Variants in SMIM41 observed in about 807,000 individuals in gnomAD.
SMIM41 encodes small integral membrane protein 41.
At chr12:52,104,645 CTG>C (rs750250634) in intron 2 of SMIM41, among the ~76,000 whole-genome samples, 3 of 151,240 alleles carry the variant, frequency 2.0e-5, no homozygotes, top group African/African-American at 2.4e-5. Context: ...GCTCAGCAGA[CTG>C]TGGAGTTTCT....
chr12:52,095,192 C>A (rs534072064), intron 2 of SMIM41, among the ~76,000 whole-genome samples: 2 of 151,752 alleles, frequency 1.3e-5, no homozygotes, highest in African/African-American at 4.9e-5. Context: ...AAGTGATCCA[C>A]GCTCCTTGGT....
intron 1 of SMIM41, among the ~76,000 whole-genome samples, chr12:52,080,826 T>C (rs1467320895): frequency 6.6e-6 from 1 of 151,332 alleles, no homozygotes; most frequent in Non-Finnish European, 1.5e-5. Flanking sequence ...CCCTGGGGAA[T>C]GGGGAGGTGT....
intron 2 of SMIM41, among the ~76,000 whole-genome samples, chr12:52,093,847 C>G (rs892368903): frequency 6.6e-6 from 1 of 151,938 alleles, no homozygotes; most frequent in Non-Finnish European, 1.5e-5. Flanking sequence ...AAAATCTGGC[C>G]GGGTGGGGCG....
intron 2 of SMIM41, chr12:52,087,592 C>T (rs1035897744): frequency 1.2e-4 from 18 of 152,394 alleles, no homozygotes; most frequent in African/African-American, 3.6e-4. Flanking sequence ...TGGCAGTTCC[C>T]GAAGAAGCTC....
intron 2 of SMIM41, among the ~76,000 whole-genome samples, chr12:52,106,243 A>C (rs1358718770): frequency 2.0e-5 from 3 of 152,230 alleles, no homozygotes; most frequent in Non-Finnish European, 4.4e-5. Flanking sequence ...GGCACATAGG[A>C]GACAGCAAAA....
At chr12:52,093,099 G>C (rs1940032027) in intron 2 of SMIM41, among the ~76,000 whole-genome samples, 1 of 152,164 alleles carries the variant, frequency 6.6e-6, no homozygotes, top group South Asian at 2.1e-4. Flanking sequence ...TCGAGAGGTT[G>C]AGGCAGGAGA....
chr12:52,092,616 T>C (rs1385273235), intron 2 of SMIM41: 2 of 152,244 alleles, frequency 1.3e-5, no homozygotes, highest in Non-Finnish European at 2.9e-5. Flanking sequence ...TCCTTCTTTT[T>C]TTAGAGGAGC....
At chr12:52,080,625 A>G (rs111968981) in intron 1 of SMIM41, among the ~76,000 whole-genome samples, 3,703 of 152,102 alleles carry the variant, frequency 0.024, 69 homozygotes, top group South Asian at 0.075. Flanking sequence ...CCTAGGCCCA[A>G]CTCTGCGGGC....
At chr12:52,080,303 A>G (rs915117858) in intron 1 of SMIM41, 122 bp downstream of exon 1, 1 of 158,914 alleles carries the variant, frequency 6.3e-6, no homozygotes, top group African/African-American at 2.4e-5. Flanking sequence ...GTCGCTCTTC[A>G]GCGACTCAGG....
chr12:52,103,061 C>T (rs193282737), intron 2 of SMIM41, among the ~76,000 whole-genome samples: 1 of 152,226 alleles, frequency 6.6e-6, no homozygotes, highest in East Asian at 1.9e-4. Context: ...TGCGGTGGCT[C>T]ATGCCTGTAA....
Position 52,098,741 on chromosome 12 carries a change from G to C in SMIM41, c.*196-8638G>C, listed in dbSNP as rs867471220. Among the ~76,000 whole-genome samples the C allele has an allele frequency of 2.6e-5, 4 of 151,408 alleles. No individual in the cohort carries two copies. In the South Asian group the frequency reaches 6.3e-4, roughly 24 times the overall value. On this transcript the variant is annotated intron_variant, in intron 2 of 2. Coordinates refer to ENST00000546390, the MANE Select transcript of SMIM41 (RefSeq NM_001369216.1). Reference sequence around the variant, plus strand: ...ATATTAGGAACAATATCACGGGGGGGGGGGTGTACTGCCTCTGCGATATTG... The same window carrying C: ...ATATTAGGAACAATATCACGGGGGGCGGGGTGTACTGCCTCTGCGATATTG...
At chr12:52,083,508 C>G (rs1380884318) in intron 1 of SMIM41, among the ~76,000 whole-genome samples, 1 of 152,176 alleles carries the variant, frequency 6.6e-6, no homozygotes, top group Non-Finnish European at 1.5e-5. Context: ...TGGCTTTTCC[C>G]CTTGCACCTT....
chr12:52,106,045 C>T (rs1335732124), intron 2 of SMIM41, among the ~76,000 whole-genome samples: 2 of 152,294 alleles, frequency 1.3e-5, no homozygotes, highest in Admixed American at 1.3e-4. Context: ...ATTTTAGATA[C>T]ATTTGTTAAT....
chr12:52,098,941 C>T (rs1664355748), intron 2 of SMIM41, among the ~76,000 whole-genome samples: 1 of 151,964 alleles, frequency 6.6e-6, no homozygotes, highest in African/African-American at 2.4e-5. Context: ...CATCCTCTTT[C>T]GCTCTGGATA....
chr12:52,095,404 T>A (rs1184003350), intron 2 of SMIM41, among the ~76,000 whole-genome samples: 1 of 151,982 alleles, frequency 6.6e-6, no homozygotes, highest in Non-Finnish European at 1.5e-5. Flanking sequence ...CCATAGCGTG[T>A]TTACGTTATT....
At chr12:52,090,310 T>C (rs1939977097) in intron 2 of SMIM41, among the ~76,000 whole-genome samples, 1 of 152,102 alleles carries the variant, frequency 6.6e-6, no homozygotes. Flanking sequence ...CTCGAACTCC[T>C]GAACTCAAGT....
chr12:52,088,932 C>A (rs1053278683), intron 2 of SMIM41, among the ~76,000 whole-genome samples: 3 of 151,952 alleles, frequency 2.0e-5, no homozygotes, highest in Non-Finnish European at 2.9e-5. Flanking sequence ...ATGCTGTGCC[C>A]ACCCCTCTGC....
intron 2 of SMIM41, among the ~76,000 whole-genome samples, chr12:52,089,715 C>T (rs1939962795): frequency 6.6e-6 from 1 of 152,244 alleles, no homozygotes; most frequent in Non-Finnish European, 1.5e-5. Flanking sequence ...ATCTGGTGTC[C>T]CTTGGCTTGC....
intron 2 of SMIM41, among the ~76,000 whole-genome samples, chr12:52,102,649 A>G (rs1194157482): frequency 6.6e-6 from 1 of 152,248 alleles, no homozygotes; most frequent in African/African-American, 2.4e-5. Context: ...CACTAATCAT[A>G]GGGAAGCACA....
Sources: allele counts gnomAD v4.1 joint callset (sites outside exome capture counted in the v4.1 genomes callset), GRCh38; gene constraint gnomAD v4.1.1; transcripts MANE v1.5; gene names NCBI Gene and HGNC (gene_info 2026-07-23, HGNC 2026-07-21).